FARP1: variants seen among roughly 807,000 people sequenced by gnomAD.
FARP1 encodes FERM, ARH/RhoGEF and pleckstrin domain protein 1.
In FARP1, 52 loss-of-function variants were observed where a neutral mutation model predicts 128.8. That is an observed-to-expected ratio of 0.40 (90% CI 0.32 to 0.51). The LOEUF is 0.51. FARP1 is among the 20% of genes least tolerant of loss of function. The pLI, the probability that FARP1 is intolerant of heterozygous loss-of-function variation, is 0.45. For missense variants in FARP1, 1,333 were observed against 1,367.9 expected (o/e 0.97, Z 0.40); for synonymous variants, 580 against 551.8 (o/e 1.05, Z -0.72).
At chr13:98,207,908 C>CCCCACACA (rs1555327643) in intron 1 of FARP1, among the ~76,000 whole-genome samples, 2 of 71,574 alleles carry the variant, frequency 2.8e-5, no homozygotes, top group Non-Finnish European at 5.0e-5. Flanking sequence ...ACCACCACCT[C>CCCCACACA]CACACACACA....
chr13:98,192,296 A>C (rs1879286781), intron 1 of FARP1, among the ~76,000 whole-genome samples: 1 of 152,140 alleles, frequency 6.6e-6, no homozygotes, highest in African/African-American at 2.4e-5. Context: ...AATTCCTATA[A>C]GTGACAAATT....
At chr13:98,216,240 CGGCCA>C in intron 2 of FARP1, among the ~76,000 whole-genome samples, 1 of 152,298 alleles carries the variant, frequency 6.6e-6, no homozygotes, top group South Asian at 2.1e-4. Context: ...AGAGCAGCCA[CGGCCA>C]GGCCAGCAGC....
Position 98,213,419 on chromosome 13 carries a change from T to C in FARP1, c.171+6T>C, listed in dbSNP as rs116250464. On this transcript the variant is annotated splice_donor_region_variant and intron_variant, in intron 2 of 26. Transcript: ENST00000319562. The stretch of plus-strand genomic sequence containing the variant: ...AGGAGGCATTTGAAGTTCCAGTAAG[T>C]TGGGGGCTTATCTGTAACCCAGGAG... The C allele has an allele frequency of 2.5e-3, 3,978 of 1,612,874 alleles. 81 individuals carry two copies. The African/African-American group carries it at 0.047, about 19-fold the overall frequency.
At chr13:98,396,938 T>C (rs1395457727) in intron 13 of FARP1, 1 of 153,454 alleles carries the variant, frequency 6.5e-6, no homozygotes, top group African/African-American at 2.4e-5. Context: ...TCCCCTTCTT[T>C]AAAAGGAGGG....
intron 2 of FARP1, among the ~76,000 whole-genome samples, chr13:98,336,753 G>T (rs1566893046): frequency 6.6e-6 from 1 of 152,184 alleles, no homozygotes; most frequent in Non-Finnish European, 1.5e-5. Context: ...GCCAATTGAG[G>T]ATGGAGAAGG....
intron 24 of FARP1, among the ~76,000 whole-genome samples, chr13:98,442,427 A>G (rs1892562791): frequency 6.6e-6 from 1 of 152,208 alleles, no homozygotes; most frequent in Non-Finnish European, 1.5e-5. Context: ...GCTTCTGAAG[A>G]CATCCTCAAG....
chr13:98,162,007 T>G (rs1378383495), intron 1 of FARP1, among the ~76,000 whole-genome samples: 4 of 152,132 alleles, frequency 2.6e-5, no homozygotes, highest in Non-Finnish European at 5.9e-5. Flanking sequence ...GGTCTCAAAA[T>G]GACCTCAAGC....
intron 16 of FARP1, among the ~76,000 whole-genome samples, chr13:98,418,190 T>A (rs1891459155): frequency 1.3e-5 from 2 of 152,228 alleles, no homozygotes; most frequent in African/African-American, 2.4e-5. Flanking sequence ...GCTAGGATTA[T>A]GGGCATGAGC....
chr13:98,148,766 G>T (rs1197128507), intron 1 of FARP1, among the ~76,000 whole-genome samples: 2 of 152,102 alleles, frequency 1.3e-5, no homozygotes, highest in African/African-American at 4.8e-5. Flanking sequence ...GCTGTGTTCT[G>T]GTCCCATTGC....
intron 1 of FARP1, among the ~76,000 whole-genome samples, chr13:98,163,620 T>C (rs144064319): frequency 0.016 from 2,444 of 151,468 alleles, 40 homozygotes; most frequent in Middle Eastern, 0.052. Flanking sequence ...CACTGCAACC[T>C]CTGCCTCCCA....
chr13:98,230,039 T>A (rs774490657), intron 2 of FARP1, among the ~76,000 whole-genome samples: 10 of 152,240 alleles, frequency 6.6e-5, no homozygotes, highest in Non-Finnish European at 8.8e-5. Flanking sequence ...TGATGGTCAC[T>A]GGTCGTGCCT....
chr13:98,176,817 A>AC lies in FARP1; in HGVS notation c.-24+33329dup, dbSNP rs1302763910. 1.9e-6 allele frequency: 3 copies of AC among 1,608,884 alleles called. No homozygotes were observed. The African/African-American group carries it at 4.1e-5, about 22-fold the overall frequency. On this transcript the variant is annotated intron_variant, in intron 1 of 26. Transcript: ENST00000319562. The surrounding 1 kb of genome is among the most constrained non-coding windows in gnomAD (Gnocchi z 6.2). Reference sequence around the variant, plus strand: ...CCCGGTAGATGTGGTCGTGCTCCCGACCCCGCAGTGCCTCCTGGACCCGCT... The same window carrying AC: ...CCCGGTAGATGTGGTCGTGCTCCCGACCCCCGCAGTGCCTCCTGGACCCGCT...
chr13:98,260,367 A>G (rs1287097692), intron 2 of FARP1, among the ~76,000 whole-genome samples: 1 of 152,188 alleles, frequency 6.6e-6, no homozygotes, highest in Non-Finnish European at 1.5e-5. Flanking sequence ...GATAGGTGAA[A>G]CACTGCTTCA....
intron 16 of FARP1, among the ~76,000 whole-genome samples, chr13:98,420,312 C>G (rs1331946516): frequency 6.6e-6 from 1 of 152,170 alleles, no homozygotes; most frequent in Non-Finnish European, 1.5e-5. Context: ...TGTCCTTCTG[C>G]CTCCTCTTAG....
chr13:98,282,167 G>T (rs1265443104), intron 2 of FARP1, among the ~76,000 whole-genome samples: 1 of 152,134 alleles, frequency 6.6e-6, no homozygotes, highest in Non-Finnish European at 1.5e-5. Context: ...AGCCAGGCAT[G>T]GTGGTGTGTG....
At chr13:98,432,457 G>C (rs1199282529) in intron 18 of FARP1, 2 of 152,278 alleles carry the variant, frequency 1.3e-5, no homozygotes, top group African/African-American at 2.4e-5. Flanking sequence ...AAGTCGTTGT[G>C]TCTGGTGTCA....
At chr13:98,435,326 A>G in intron 18 of FARP1, 1 of 330,726 alleles carries the variant, frequency 3.0e-6, no homozygotes, top group African/African-American at 2.1e-5. Flanking sequence ...GTCTAATTGA[A>G]GGACAGCTGT....
At chr13:98,330,332 T>A (rs987573446) in intron 2 of FARP1, among the ~76,000 whole-genome samples, 5 of 152,178 alleles carry the variant, frequency 3.3e-5, no homozygotes, top group Admixed American at 1.3e-4. Context: ...CATGTCTGAT[T>A]TAAAGTAGAA....
At position 98,366,086 on chromosome 13, in the gene FARP1, C is replaced by T. The variant is rs560566468; in HGVS notation, c.319+649C>T. On this transcript the variant is annotated intron_variant, in intron 4 of 26. Coordinates refer to ENST00000319562, the MANE Select transcript of FARP1 (RefSeq NM_005766.4). ...CCTCTCTATGCTTTGAGCTAAAATT[C>T]AGCATCAAGCTCTGGTCCCAATGTC... Among the ~76,000 whole-genome samples the T allele has an allele frequency of 4.6e-5, 7 of 152,280 alleles. No homozygotes were observed. In the East Asian group the frequency reaches 1.2e-3, roughly 25 times the overall value.
Sources: allele counts gnomAD v4.1 joint callset (sites outside exome capture counted in the v4.1 genomes callset), GRCh38; gene constraint gnomAD v4.1.1; non-coding constraint Gnocchi (gnomAD v3.1); transcripts MANE v1.5; gene names NCBI Gene and HGNC (gene_info 2026-07-23, HGNC 2026-07-21).